ADGRL3: variants seen among roughly 807,000 people sequenced by gnomAD.
ADGRL3 encodes adhesion G protein-coupled receptor L3, also known as calcium-independent alpha-latrotoxin receptor 3.
A neutral mutation model predicts 153.5 loss-of-function variants in ADGRL3; 62 were observed. The observed-to-expected ratio is 0.40, with a 90% confidence interval of 0.33 to 0.50. The LOEUF (loss-of-function observed/expected upper bound fraction) is 0.50, where lower values mean the gene tolerates loss of function less well. Among genes scored for constraint, ADGRL3 ranks in the 20% least tolerant of loss-of-function variants. The probability of loss-of-function intolerance (pLI) is 0.47; values close to 1 mark genes in which losing one functional copy is unlikely to be tolerated. For synonymous variants in ADGRL3, 710 were observed against 672.5 expected, an observed-to-expected ratio of 1.06 and a Z score of -0.86; for missense variants, 1,641 against 1,859.4, an observed-to-expected ratio of 0.88 and a Z score of 2.16.
chr4:61,334,502 G>A (rs141090414), intron 1 of ADGRL3, among the ~76,000 whole-genome samples: 11 of 152,176 alleles, frequency 7.2e-5, no homozygotes, highest in Admixed American at 2.0e-4. Flanking sequence ...CCAGAGTGAC[G>A]ACTATCAAAA....
At chr4:61,909,871 T>C in intron 12 of ADGRL3, 126 bp downstream of exon 12, 1 of 601,804 alleles carries the variant, frequency 1.7e-6, no homozygotes, top group Non-Finnish European at 2.7e-6. Flanking sequence ...AATATGATCA[T>C]TATAAAGAGA....
chr4:61,721,446 C>A (rs1368816571), intron 6 of ADGRL3, among the ~76,000 whole-genome samples: 6 of 152,160 alleles, frequency 3.9e-5, no homozygotes, highest in Admixed American at 2.0e-4. Flanking sequence ...AGATGAAGCC[C>A]AGAAGACTCA....
At chr4:61,645,055 T>C (rs1321117260) in intron 5 of ADGRL3, among the ~76,000 whole-genome samples, 1 of 152,158 alleles carries the variant, frequency 6.6e-6, no homozygotes, top group East Asian at 1.9e-4. Context: ...TCTTTGTCTC[T>C]TTTGATCTTT....
At chr4:61,306,833 C>T (rs1275199604) in intron 1 of ADGRL3, among the ~76,000 whole-genome samples, 1 of 152,172 alleles carries the variant, frequency 6.6e-6, no homozygotes, top group Non-Finnish European at 1.5e-5. Flanking sequence ...ATTCATCATT[C>T]CTTCACGTGT....
At chr4:61,609,931 C>A (rs962121428) in intron 5 of ADGRL3, among the ~76,000 whole-genome samples, 6 of 151,712 alleles carry the variant, frequency 4.0e-5, no homozygotes, top group Admixed American at 2.6e-4. Flanking sequence ...ATAATAGGTA[C>A]CAAAGATGTG....
chr4:61,778,808 A>G (rs1237219262), intron 8 of ADGRL3, among the ~76,000 whole-genome samples: 13 of 152,240 alleles, frequency 8.5e-5, no homozygotes, highest in Admixed American at 8.5e-4. Flanking sequence ...CTGTAATCCC[A>G]GCACTGTGGG....
At chr4:61,473,811 A>G (rs185811706) in intron 2 of ADGRL3, among the ~76,000 whole-genome samples, 1 of 152,282 alleles carries the variant, frequency 6.6e-6, no homozygotes. Flanking sequence ...AGCACAATTT[A>G]GATAAGCAGA....
At chr4:61,699,401 T>C (rs959034633) in intron 6 of ADGRL3, among the ~76,000 whole-genome samples, 2 of 152,194 alleles carry the variant, frequency 1.3e-5, no homozygotes, top group Admixed American at 6.5e-5. Flanking sequence ...AATTGGCTGC[T>C]GTATGCCCAG....
At position 62,076,960 on chromosome 4, in the gene ADGRL3, ATAATT is replaced by A. The variant is rs1482447517; in HGVS notation, c.*6055_*6059del. On this transcript the variant is annotated 3_prime_UTR_variant, in exon 27 of 27. Coordinates refer to ENST00000683033, the MANE Select transcript of ADGRL3 (RefSeq NM_001387552.1). ...AACCAAGAAATATTCATACTATAGA[ATAATT>A]TATTATTATATATATGAATATTACA... is the stretch of plus-strand genomic sequence containing the variant. The A allele has an allele frequency of 6.6e-6, 1 of 151,390 alleles. No individual in the cohort carries two copies. The highest frequency in any genetic ancestry group is 1.5e-5 in the Non-Finnish European group (1 of 67,740). The allele number at this position is 151,390 out of a possible 1,614,324, so 9.4% of individuals were successfully genotyped here. A position where few individuals can be genotyped will look rare whatever the true frequency, so the allele number is the denominator to read the frequency against.
intron 4 of ADGRL3, among the ~76,000 whole-genome samples, chr4:61,533,801 G>A (rs1459674639): frequency 3.3e-5 from 5 of 152,044 alleles, no homozygotes; most frequent in Non-Finnish European, 5.9e-5. Flanking sequence ...CACTCTTTTT[G>A]AAATTTTAGC....
At chr4:61,844,594 A>ATATATATATATT (rs1195399296) in intron 9 of ADGRL3, among the ~76,000 whole-genome samples, 5 of 121,810 alleles carry the variant, frequency 4.1e-5, no homozygotes, top group Non-Finnish European at 8.3e-5. Flanking sequence ...ATATATATAT[A>ATATATATATATT]TATTTACTTT....
At chr4:61,641,324 T>C (rs545824539) in intron 5 of ADGRL3, among the ~76,000 whole-genome samples, 19 of 152,182 alleles carry the variant, frequency 1.2e-4, no homozygotes, top group African/African-American at 4.3e-4. Flanking sequence ...CTTTAAGTTT[T>C]GGGGTAAATG....
At chr4:62,051,267 C>T (rs1734073780) in intron 25 of ADGRL3, among the ~76,000 whole-genome samples, 1 of 150,242 alleles carries the variant, frequency 6.7e-6, no homozygotes, top group Admixed American at 6.7e-5. Flanking sequence ...ATAAAGAAGC[C>T]TGTGTTAGGA....
intron 25 of ADGRL3, among the ~76,000 whole-genome samples, chr4:62,057,654 G>A (rs980774861): frequency 6.6e-6 from 1 of 152,002 alleles, no homozygotes; most frequent in Admixed American, 6.6e-5. Flanking sequence ...CCATGGTAAT[G>A]ATTCACATAT....
At chr4:61,621,970 C>T (rs1948616) in intron 5 of ADGRL3, among the ~76,000 whole-genome samples, 89,294 of 151,868 alleles carry the variant, frequency 0.59, 28,543 homozygotes, top group Non-Finnish European at 0.74. Context: ...AAACTTTAGT[C>T]AGACAGTTAG....
At chr4:61,488,737 A>T (rs2098224935) in intron 2 of ADGRL3, among the ~76,000 whole-genome samples, 1 of 152,018 alleles carries the variant, frequency 6.6e-6, no homozygotes, top group Non-Finnish European at 1.5e-5. Flanking sequence ...ACGTTCTTCA[A>T]ATAATCTATT....
chr4:61,966,494 A>G (rs568129753), intron 17 of ADGRL3, among the ~76,000 whole-genome samples: 59 of 152,164 alleles, frequency 3.9e-4, no homozygotes, highest in African/African-American at 1.4e-3. Flanking sequence ...TGGTATTTCT[A>G]TGATTACTTT....
intron 8 of ADGRL3, among the ~76,000 whole-genome samples, chr4:61,789,933 C>G (rs1188422209): frequency 6.6e-6 from 1 of 152,118 alleles, no homozygotes; most frequent in East Asian, 1.9e-4. Flanking sequence ...TAGAATAAAT[C>G]TTTTCCTGTT....
intron 1 of ADGRL3, among the ~76,000 whole-genome samples, chr4:61,285,637 A>G (rs1468985551): frequency 1.3e-5 from 2 of 151,820 alleles, no homozygotes; most frequent in Non-Finnish European, 2.9e-5. Flanking sequence ...CTCACTTTTA[A>G]TCTATTCTTT....
Sources: allele counts gnomAD v4.1 joint callset (sites outside exome capture counted in the v4.1 genomes callset), GRCh38; gene constraint gnomAD v4.1.1; transcripts MANE v1.5; gene names NCBI Gene and HGNC (gene_info 2026-07-23, HGNC 2026-07-21).